EYS: variants seen among roughly 807,000 people sequenced by gnomAD.
EYS encodes protein eyes shut homolog.
In EYS, 250 loss-of-function variants were observed where a neutral mutation model predicts 282.1. The ratio of observed to expected loss-of-function variants is 0.89; its 90% CI spans 0.80 to 0.98. The LOEUF is 0.98. EYS is among the 50% of genes least tolerant of loss of function. EYS has a pLI of 0.00. For synonymous variants in EYS, 1,355 were observed against 1,282.9 expected (o/e 1.06, Z -1.20); for missense variants, 4,016 against 3,709.0 (o/e 1.08, Z -2.15).
intron 22 of EYS, among the ~76,000 whole-genome samples, chr6:64,654,845 C>A (rs1255484796): frequency 1.3e-5 from 2 of 152,152 alleles, no homozygotes; most frequent in African/African-American, 4.8e-5. Context: ...TGAAAAGTCA[C>A]CGGCTAAATG....
rs748052858 is a variant in EYS at position 65,405,269 on chromosome 6, G to T, written c.961C>A (p.Pro321Thr). 2 of 1,612,790 alleles carry T rather than the reference G, an allele frequency of 1.2e-6. No homozygotes were observed. Among genetic ancestry groups the T allele is most frequent in the East Asian group, 2.2e-5 (1 of 44,788 alleles). The change falls in exon 6 of 43, where the codon CCA (proline) becomes ACA (threonine). Residue 321 changes from proline (P) to threonine (T), a missense_variant. By Grantham distance (38) the Pro-to-Thr change is conservative. Transcript: ENST00000503581. ...NSSSAYTYEC[P>T]KGSSSQNGET... Reference sequence around the variant, plus strand: ...CCATTTTGGCTGGAAGATCCTTTTGGGCATTCATAAGTATAAGCAGAACTG... The same window carrying T: ...CCATTTTGGCTGGAAGATCCTTTTGTGCATTCATAAGTATAAGCAGAACTG...
chr6:64,176,661 A>G (rs1391358973), intron 31 of EYS, among the ~76,000 whole-genome samples: 1 of 152,094 alleles, frequency 6.6e-6, no homozygotes, highest in Non-Finnish European at 1.5e-5. Flanking sequence ...CATGGAAAAA[A>G]AACTTCTAAA....
At chr6:63,879,205 G>A (rs561121499) in intron 35 of EYS, among the ~76,000 whole-genome samples, 3 of 152,078 alleles carry the variant, frequency 2.0e-5, no homozygotes, top group Non-Finnish European at 4.4e-5. Flanking sequence ...AATTTAGAAA[G>A]TCGAGGGAGA....
intron 29 of EYS, among the ~76,000 whole-genome samples, chr6:64,387,189 A>T (rs1302653054): frequency 6.6e-6 from 1 of 152,124 alleles, no homozygotes. Context: ...TATATGTAAT[A>T]TTGTCTCTGT....
intron 23 of EYS, among the ~76,000 whole-genome samples, chr6:64,620,383 T>A (rs1767407320): frequency 6.6e-6 from 1 of 152,096 alleles, no homozygotes; most frequent in South Asian, 2.1e-4. Context: ...CCATGACTTT[T>A]TTTTACCAGA....
intron 35 of EYS, among the ~76,000 whole-genome samples, chr6:63,956,531 C>T (rs1365919951): frequency 6.6e-6 from 1 of 152,108 alleles, no homozygotes; most frequent in Admixed American, 6.6e-5. Context: ...CACTGCTTTT[C>T]CACATAAACT....
chr6:64,962,568 C>CAA (rs560078542), intron 14 of EYS, among the ~76,000 whole-genome samples: 2 of 130,326 alleles, frequency 1.5e-5, no homozygotes, highest in African/African-American at 5.7e-5. Context: ...CCTATCTTTA[C>CAA]AAAAAAAAAA....
chr6:63,866,764 G>A lies in EYS; in HGVS notation c.7056-2406C>T, dbSNP rs1387535068. Among the ~76,000 whole-genome samples the A allele has an allele frequency of 2.0e-5, 3 of 152,088 alleles. No individual in the cohort carries two copies. The South Asian group carries it at 6.2e-4, about 32-fold the overall frequency. On this transcript the variant is annotated intron_variant, in intron 35 of 42. Coordinates refer to ENST00000503581, the MANE Select transcript of EYS (RefSeq NM_001142800.2). Reference sequence around the variant, plus strand: ...GGGAAGCTCACCATATCTAACCAAGGGCAAGTGTTCAGAGTCTTCTGGCCT... The same window carrying A: ...GGGAAGCTCACCATATCTAACCAAGAGCAAGTGTTCAGAGTCTTCTGGCCT...
chr6:64,787,968 A>T (rs77209853), intron 22 of EYS, among the ~76,000 whole-genome samples: 10,113 of 151,936 alleles, frequency 0.067, 473 homozygotes, highest in East Asian at 0.22. Context: ...TAAATGGGTG[A>T]ATATGCTGCT....
At chr6:63,999,317 C>A in intron 33 of EYS, 134 bp from the exon 34 acceptor site, 1 of 686,326 alleles carries the variant, frequency 1.5e-6, no homozygotes, top group Non-Finnish European at 2.7e-6. Flanking sequence ...AATATGGACC[C>A]AGCCAAGTGT....
At chr6:65,544,170 G>T (rs747224086) in intron 2 of EYS, among the ~76,000 whole-genome samples, 1 of 152,022 alleles carries the variant, frequency 6.6e-6, no homozygotes, top group Admixed American at 6.6e-5. Context: ...TTTGTAACTT[G>T]GATATGGATG....
chr6:65,376,822 A>T (rs1320343965), intron 8 of EYS, among the ~76,000 whole-genome samples: 3 of 152,208 alleles, frequency 2.0e-5, no homozygotes, highest in Non-Finnish European at 4.4e-5. Flanking sequence ...AGAAGAGCTA[A>T]TTATCCTAAA....
intron 26 of EYS, among the ~76,000 whole-genome samples, chr6:64,570,609 CA>C (rs563281897): frequency 6.7e-6 from 1 of 150,276 alleles, no homozygotes; most frequent in African/African-American, 2.4e-5. Flanking sequence ...AAATTGAAAG[CA>C]AAAAAAAGCA....
intron 22 of EYS, among the ~76,000 whole-genome samples, chr6:64,774,602 T>G (rs1488313874): frequency 6.6e-6 from 1 of 151,958 alleles, no homozygotes; most frequent in Non-Finnish European, 1.5e-5. Flanking sequence ...GACTTCATTT[T>G]CTGTCCTTGA....
chr6:63,829,233 TAGTG>T (rs1179249662), intron 36 of EYS, among the ~76,000 whole-genome samples: 5 of 152,064 alleles, frequency 3.3e-5, no homozygotes, highest in South Asian at 2.1e-4. Context: ...GCTTGTCAGA[TAGTG>T]AGTGCAGCCT....
At chr6:64,181,144 C>T (rs1764777063) in intron 31 of EYS, among the ~76,000 whole-genome samples, 1 of 152,094 alleles carries the variant, frequency 6.6e-6, no homozygotes, top group Admixed American at 6.6e-5. Context: ...AAAGAAAACA[C>T]TGACAAAATA....
chr6:65,403,562 C>T (rs903807207), intron 6 of EYS, among the ~76,000 whole-genome samples: 1 of 151,812 alleles, frequency 6.6e-6, no homozygotes, highest in African/African-American at 2.4e-5. Context: ...CCAAAACTAA[C>T]GTTGAAAGAG....
chr6:65,030,585 C>T (rs1234395018), intron 13 of EYS, among the ~76,000 whole-genome samples: 1 of 152,176 alleles, frequency 6.6e-6, no homozygotes, highest in East Asian at 1.9e-4. Flanking sequence ...ACTGCCACTG[C>T]TCCAGTGAAG....
intron 35 of EYS, among the ~76,000 whole-genome samples, chr6:63,941,994 A>C (rs145759104): frequency 0.011 from 1,608 of 152,298 alleles, 23 homozygotes; most frequent in African/African-American, 0.037. Flanking sequence ...AGCCACCCAG[A>C]GTACAATGAG....
Sources: allele counts gnomAD v4.1 joint callset (sites outside exome capture counted in the v4.1 genomes callset), GRCh38; gene constraint gnomAD v4.1.1; transcripts MANE v1.5; gene names NCBI Gene and HGNC (gene_info 2026-07-23, HGNC 2026-07-21).